Variants in PLEKHA6 observed in about 807,000 individuals in gnomAD.
PLEKHA6 encodes the protein pleckstrin homology domain containing A6.
A neutral mutation model predicts 116.7 loss-of-function variants in PLEKHA6; 60 were observed. The observed-to-expected ratio is 0.51, with a 90% CI of 0.42 to 0.64. PLEKHA6 has a LOEUF of 0.64. PLEKHA6 is among the 30% of genes least tolerant of loss of function. The probability of loss-of-function intolerance (pLI) is 0.00; values close to 1 mark genes in which losing one functional copy is unlikely to be tolerated. For synonymous variants in PLEKHA6, 489 were observed against 556.1 expected, an observed-to-expected ratio of 0.88 and a Z score of 1.70; for missense variants, 1,338 against 1,422.7, an observed-to-expected ratio of 0.94 and a Z score of 0.96.
At chr1:204,345,313 C>A (rs760695728) in intron 1 of PLEKHA6, among the ~76,000 whole-genome samples, 38 of 152,162 alleles carry the variant, frequency 2.5e-4, no homozygotes, top group African/African-American at 1.4e-4. Context: ...CACTCTACCC[C>A]CTCCCTGCAG....
At chr1:204,313,728 A>T in intron 1 of PLEKHA6, 10 of 984,606 alleles carry the variant, frequency 1.0e-5, no homozygotes, top group Non-Finnish European at 1.2e-5. Flanking sequence ...TCTATCTGTC[A>T]TCTCCCTGGG....
In PLEKHA6 at chr1:204,228,999, T is replaced by C; in HGVS notation, c.2689A>G (p.Ile897Val). The change falls in exon 19 of 23, where the codon ATT (isoleucine) becomes GTT (valine). Residue 897 changes from isoleucine (I) to valine (V), a missense_variant. Around this residue, in one of 3 missense-constraint regions of PLEKHA6, gnomAD observed 1,136 missense variants for 1,163.6 expected, o/e 0.98. Transcript: ENST00000272203. The surrounding 1 kb of genome is among the most constrained non-coding windows in gnomAD (Gnocchi z 4.0). ...GHAYETPREEIARLRKMELEP... is the reference protein window; with the variant it reads ...GHAYETPREEVARLRKMELEP... Reference sequence around the variant, plus strand: ...AGCTCCATTTTGCGAAGCCGGGCAATTTCCTCCCGGGGTGTCTCGTAGGCA... The same window carrying C: ...AGCTCCATTTTGCGAAGCCGGGCAACTTCCTCCCGGGGTGTCTCGTAGGCA... 1 of 1,614,136 alleles carries C rather than the reference T, an allele frequency of 6.2e-7. No individual in the cohort carries two copies. The highest frequency in any genetic ancestry group is 1.3e-5 in the African/African-American group (1 of 75,022).
chr1:204,240,784 G>C lies in PLEKHA6; in HGVS notation c.2409+591C>G, dbSNP rs768155914. ...GAGTGTCAACTTGGCTGGATTGAAGGATACAAAGTATTGATCCTGGGTGTG... is the reference window on the plus strand; with the variant it reads ...GAGTGTCAACTTGGCTGGATTGAAGCATACAAAGTATTGATCCTGGGTGTG... On this transcript the variant is annotated intron_variant, in intron 17 of 22. Transcript: ENST00000272203. Among the ~76,000 whole-genome samples the C allele has an allele frequency of 5.3e-4, 81 of 152,320 alleles. 1 individual carries two copies. The highest frequency in any genetic ancestry group is 3.4e-3 in the Middle Eastern group (1 of 294).
At chr1:204,295,604 G>A (rs1206774391) in intron 1 of PLEKHA6, among the ~76,000 whole-genome samples, 1 of 152,072 alleles carries the variant, frequency 6.6e-6, no homozygotes, top group Non-Finnish European at 1.5e-5. Flanking sequence ...CTGAGAAAGG[G>A]AATCTCATTG....
chr1:204,300,332 G>T (rs887707023), intron 1 of PLEKHA6, among the ~76,000 whole-genome samples: 1 of 152,204 alleles, frequency 6.6e-6, no homozygotes, highest in African/African-American at 2.4e-5. Context: ...CTCCAGCCAT[G>T]CAATGCGTGG....
At chr1:204,330,439 T>C (rs959954937) in intron 1 of PLEKHA6, among the ~76,000 whole-genome samples, 2 of 152,256 alleles carry the variant, frequency 1.3e-5, no homozygotes, top group Admixed American at 1.3e-4. Flanking sequence ...CTTGGGCACA[T>C]TGGTGTTATT....
chr1:204,353,566 G>A (rs1455588378), intron 1 of PLEKHA6, among the ~76,000 whole-genome samples: 1 of 152,178 alleles, frequency 6.6e-6, no homozygotes, highest in East Asian at 1.9e-4. Context: ...GCCACCGGGA[G>A]CATATGGAGA....
chr1:204,260,928 C>T (rs917352815), intron 7 of PLEKHA6, among the ~76,000 whole-genome samples: 3 of 152,176 alleles, frequency 2.0e-5, no homozygotes, highest in Non-Finnish European at 2.9e-5. Context: ...ACTGAGATCA[C>T]GCTACAGCCA....
chr1:204,301,561 TG>T lies in PLEKHA6; in HGVS notation c.-94-26753del, dbSNP rs933294132. On this transcript the variant is annotated intron_variant, in intron 1 of 22. Coordinates refer to ENST00000272203, the MANE Select transcript of PLEKHA6 (RefSeq NM_014935.5). ...CCTACCACCACCCCATGGCTTCATC[TG>T]TACCACTTACTCCCTAGGGCCATTC... 5 of 702,290 alleles carry T rather than the reference TG, an allele frequency of 7.1e-6. No homozygotes were observed. The African/African-American group carries it at 7.7e-5, about 11-fold the overall frequency. 43.5% of individuals were successfully genotyped at this position (702,290 alleles called of 1,614,324 possible). A position where few individuals can be genotyped will look rare whatever the true frequency, so the allele number is the denominator to read the frequency against.
chr1:204,233,869 A>G (rs74968129), intron 17 of PLEKHA6, among the ~76,000 whole-genome samples: 2,650 of 152,176 alleles, frequency 0.017, 80 homozygotes, highest in African/African-American at 0.061. Context: ...TTTTGAGCTG[A>G]TGATATTTCA....
intron 1 of PLEKHA6, among the ~76,000 whole-genome samples, chr1:204,291,600 A>G (rs1024889580): frequency 5.9e-5 from 9 of 152,256 alleles, no homozygotes; most frequent in African/African-American, 1.9e-4. Context: ...ATAAAAAGAA[A>G]TGAATTATTG....
At chr1:204,314,457 G>A (rs1283423503) in intron 1 of PLEKHA6, among the ~76,000 whole-genome samples, 3 of 152,192 alleles carry the variant, frequency 2.0e-5, no homozygotes, top group Admixed American at 6.5e-5. Flanking sequence ...TGGGCCAACA[G>A]TAAGTGCAGA....
chr1:204,245,856 AC>A, intron 13 of PLEKHA6, 130 bp from the exon 14 acceptor site: 1 of 521,460 alleles, frequency 1.9e-6, no homozygotes, highest in African/African-American at 1.9e-5. Context: ...GTACACACAC[AC>A]ACACACACAC....
intron 1 of PLEKHA6, among the ~76,000 whole-genome samples, chr1:204,323,884 C>T (rs1672151323): frequency 6.6e-6 from 1 of 152,132 alleles, no homozygotes; most frequent in African/African-American, 2.4e-5. Flanking sequence ...GGTTAAATAT[C>T]CTGCTTGAGG....
Position 204,223,641 on chromosome 1 carries a change from G to A in PLEKHA6, c.3032-56C>T. On this transcript the variant is annotated intron_variant, in intron 21 of 22. Transcript: ENST00000272203. This position sits in a 1 kb window ranked among gnomAD's most constrained non-coding sequence, Gnocchi z 4.8. ...GGGGGTGGGTGGGGGAGGAGGGTGG[G>A]CACCCAGAGCAAGCGAGGCCCTCCC... 1 of 267,638 alleles carries A rather than the reference G, an allele frequency of 3.7e-6. No individual in the cohort carries two copies. The allele number at this position is 267,638 out of a possible 1,614,324, so 16.6% of individuals were successfully genotyped here. A position where few individuals can be genotyped will look rare whatever the true frequency, so the allele number is the denominator to read the frequency against.
At chr1:204,295,489 C>G (rs982027959) in intron 1 of PLEKHA6, among the ~76,000 whole-genome samples, 1 of 122,196 alleles carries the variant, frequency 8.2e-6, no homozygotes, top group African/African-American at 3.2e-5. Flanking sequence ...GATGCCATCT[C>G]AAAAAAAAAA....
intron 1 of PLEKHA6, chr1:204,311,606 C>G (rs1671661839): frequency 5.1e-6 from 5 of 980,542 alleles, no homozygotes; most frequent in Non-Finnish European, 6.1e-6. Flanking sequence ...AAATACAATA[C>G]AGTTTTCAAA....
intron 1 of PLEKHA6, chr1:204,276,991 C>G (rs1256970928): frequency 6.6e-6 from 1 of 152,648 alleles, no homozygotes; most frequent in Non-Finnish European, 1.5e-5. Context: ...GGAAGACATC[C>G]CTACCTGACC....
chr1:204,265,915 G>A (rs1231900020), intron 5 of PLEKHA6, among the ~76,000 whole-genome samples: 1 of 152,152 alleles, frequency 6.6e-6, no homozygotes, highest in East Asian at 1.9e-4. Flanking sequence ...GGCCCCAGCT[G>A]GAAGCAGGAA....
Sources: gnomAD v4.1 joint callset for allele counts (sites outside exome capture counted in the v4.1 genomes callset) on GRCh38, gnomAD v4.1.1 for gene constraint, gnomAD v4.1.1 regional missense constraint, Gnocchi (gnomAD v3.1) non-coding constraint, MANE v1.5 for transcripts, NCBI Gene and HGNC (gene_info 2026-07-23, HGNC 2026-07-21) for gene names.